Variants in USP31 observed in about 807,000 individuals in gnomAD.
The protein encoded by USP31 is ubiquitin carboxyl-terminal hydrolase 31.
In USP31, 44 loss-of-function variants were observed where a neutral mutation model predicts 119.4. That is an observed-to-expected ratio of 0.37 (90% CI 0.29 to 0.47). USP31 has a LOEUF of 0.47. Ranked by LOEUF, USP31 falls within the 20% of genes least tolerant of loss-of-function variation. USP31 has a pLI of 0.99. For synonymous variants in USP31, 749 were observed against 705.6 expected, an observed-to-expected ratio of 1.06 and a Z score of -0.97; for missense variants, 1,643 against 1,730.2, an observed-to-expected ratio of 0.95 and a Z score of 0.89.
At position 23,067,174 on chromosome 16, in the gene USP31, A is replaced by C. The variant is rs1005040289; in HGVS notation, c.*872T>G. On this transcript the variant is annotated 3_prime_UTR_variant, in exon 16 of 16. Transcript: ENST00000219689. Reference sequence around the variant, plus strand: ...TTCCAGGAATCTGTCAAAGGTGTTAACTGCTCTACTACAGTGCAAAATTCC... The same window carrying C: ...TTCCAGGAATCTGTCAAAGGTGTTACCTGCTCTACTACAGTGCAAAATTCC... The C allele has an allele frequency of 1.3e-5, 2 of 152,690 alleles. No homozygotes were observed. Among genetic ancestry groups the C allele is most frequent in the Non-Finnish European group, 2.9e-5 (2 of 68,058 alleles). 9.5% of individuals were successfully genotyped at this position (152,690 alleles called of 1,614,324 possible).
rs1286746094 is a variant in USP31 at position 23,087,112 on chromosome 16, C to A, written c.1602G>T (p.Leu534Phe). The change falls in exon 9 of 16, where the codon TTG (leucine) becomes TTT (phenylalanine). Residue 534 changes from leucine to phenylalanine, a missense_variant. Around this residue, in one of 5 missense-constraint regions of USP31, gnomAD observed 219 missense variants for 226.4 expected, o/e 0.97. Transcript: ENST00000219689. Reference sequence around the variant, plus strand: ...TTTACCTTTCTACTATTGGGTGGCACAAGGGCTGCTCCTCCTGGGGCAGCA... The same window carrying A: ...TTTACCTTTCTACTATTGGGTGGCAAAAGGGCTGCTCCTCCTGGGGCAGCA... ...TYLLPQEEQPLCHPIVERALK... is the reference protein window; with the variant it reads ...TYLLPQEEQPFCHPIVERALK... The A allele has an allele frequency of 1.2e-6, 2 of 1,613,044 alleles. No homozygotes were observed. The highest frequency in any genetic ancestry group is 1.7e-6 in the Non-Finnish European group (2 of 1,179,698).
chr16:23,134,107 AC>A, intron 1 of USP31, among the ~76,000 whole-genome samples: 1 of 152,074 alleles, frequency 6.6e-6, no homozygotes, highest in African/African-American at 2.4e-5. Context: ...ACACACACAC[AC>A]ACACACACAC....
At chr16:23,076,837 GTGT>G (rs1900594524) in intron 13 of USP31, among the ~76,000 whole-genome samples, 2 of 152,158 alleles carry the variant, frequency 1.3e-5, no homozygotes, top group Non-Finnish European at 2.9e-5. Context: ...GCTGGCAAAG[GTGT>G]TACAACACCG....
chr16:23,078,767 C>A (rs1164295084), intron 13 of USP31, among the ~76,000 whole-genome samples: 4 of 152,138 alleles, frequency 2.6e-5, no homozygotes, highest in Non-Finnish European at 1.5e-5. Flanking sequence ...ACAACAACAA[C>A]AAAATGCCAG....
chr16:23,122,840 A>C (rs1902719262), intron 1 of USP31, among the ~76,000 whole-genome samples: 1 of 151,580 alleles, frequency 6.6e-6, no homozygotes, highest in African/African-American at 2.4e-5. Context: ...TTTGGGGGGG[A>C]TAATTAAAAA....
chr16:23,147,270 G>A (rs1434535968), intron 1 of USP31, among the ~76,000 whole-genome samples: 2 of 152,010 alleles, frequency 1.3e-5, no homozygotes, highest in South Asian at 2.1e-4. Context: ...CACCACGCCC[G>A]TCTAATTTTG....
At position 23,090,710 on chromosome 16, in the gene USP31, T is replaced by C. The variant is rs1259482457; in HGVS notation, c.1329A>G (p.Lys443=). Residue 443 remains lysine, a synonymous_variant, in exon 7 of 16, where the codon AAA becomes AAG. Coordinates refer to ENST00000219689, the MANE Select transcript of USP31 (RefSeq NM_020718.4). The part of the protein sequence containing the change: ...SPTQTAAKQG[K]MDSPTSRAGS... ...CTGCTCTTGATGTGGGAGAATCCAT[T>C]TTCCCCTGCTTTGCTGCTGTTTGTG... 6.2e-7 allele frequency: 1 copy of C among 1,614,046 alleles called. No individual in the cohort carries two copies. The highest frequency in any genetic ancestry group is 8.5e-7 in the Non-Finnish European group (1 of 1,180,006).
At chr16:23,082,831 C>CTCTTTTTTTT (rs749099969) in intron 11 of USP31, among the ~76,000 whole-genome samples, 3 of 129,332 alleles carry the variant, frequency 2.3e-5, no homozygotes, top group Non-Finnish European at 3.2e-5. Flanking sequence ...CTTTCTCTCT[C>CTCTTTTTTTT]TTTTTTTTTT....
intron 1 of USP31, among the ~76,000 whole-genome samples, chr16:23,110,662 C>G (rs999244004): frequency 6.6e-6 from 1 of 152,166 alleles, no homozygotes; most frequent in African/African-American, 2.4e-5. Context: ...GAGTTCAGAT[C>G]TCTGTTGCCC....
In USP31 at chr16:23,065,008, G is replaced by A. The variant is rs1220516015; in HGVS notation, c.*3038C>T. On this transcript the variant is annotated 3_prime_UTR_variant, in exon 16 of 16. Transcript: ENST00000219689. ...AAACGGATGGGAAATGGTCTAAGAT[G>A]ACTGGAGCCTAACGGTTTGAGTTTC... 1 of 152,196 alleles carries A rather than the reference G, an allele frequency of 6.6e-6. No homozygotes were observed. Among genetic ancestry groups the A allele is most frequent in the Non-Finnish European group, 1.5e-5 (1 of 68,052 alleles). The allele number at this position is 152,196 out of a possible 1,614,324, so 9.4% of individuals were successfully genotyped here.
intron 1 of USP31, among the ~76,000 whole-genome samples, chr16:23,147,646 C>T (rs1903558876): frequency 6.6e-6 from 1 of 152,180 alleles, no homozygotes; most frequent in African/African-American, 2.4e-5. Context: ...ATACATACCC[C>T]CAGGGATGTA....
At chr16:23,074,843 A>G (rs1250368009) in intron 13 of USP31, among the ~76,000 whole-genome samples, 2 of 152,246 alleles carry the variant, frequency 1.3e-5, no homozygotes, top group African/African-American at 4.8e-5. Context: ...AAAGGGTGTT[A>G]TAAGCTTGAT....
intron 7 of USP31, 129 bp from the exon 8 acceptor site, chr16:23,087,964 GA>G: frequency 2.8e-6 from 2 of 724,934 alleles, no homozygotes; most frequent in Non-Finnish European, 4.4e-6. Context: ...CAAAATAAAA[GA>G]AACAGGAAAT....
rs1394404691 is a variant in USP31, at chr16:23,067,139, TAGA to T, written c.*904_*906del. ...CCAGTCTTTCACCCAGTTTAGAATC[TAGA>T]AGTTTTTTCCAGGAATCTGTCAAAG... On this transcript the variant is annotated 3_prime_UTR_variant, in exon 16 of 16. Transcript: ENST00000219689. 1 of 152,616 alleles carries T rather than the reference TAGA, an allele frequency of 6.6e-6. No homozygotes were observed. Among genetic ancestry groups the T allele is most frequent in the African/African-American group, 2.4e-5 (1 of 41,452 alleles). 9.5% of individuals were successfully genotyped at this position (152,616 alleles called of 1,614,324 possible). A position where few individuals can be genotyped will look rare whatever the true frequency, so the allele number is the denominator to read the frequency against.
At position 23,148,974 on chromosome 16, in the gene USP31, G is replaced by A; in HGVS notation, c.297C>T (p.Ala99=). ...GGCACGGCGGCGGCGTGGGCGCGGC[G>A]GCCGGCCCGGGCGGGAAGCAGCTGC... is the stretch of plus-strand genomic sequence containing the variant. ...GLRSCFPPGP[A]AAPTPPPCPP... is the part of the protein sequence containing the mutation. Residue 99 remains alanine, a synonymous_variant, in exon 1 of 16, where the codon GCC becomes GCT. Transcript: ENST00000219689. 9.8e-7 allele frequency: 1 copy of A among 1,018,806 alleles called. No individual in the cohort carries two copies. Among genetic ancestry groups the A allele is most frequent in the Non-Finnish European group, 1.2e-6 (1 of 847,734 alleles). 63.1% of individuals were successfully genotyped at this position (1,018,806 alleles called of 1,614,324 possible).
chr16:23,068,635 T>C lies in USP31; in HGVS notation c.3470A>G (p.Glu1157Gly). The C allele has an allele frequency of 1.2e-6, 2 of 1,614,208 alleles. No homozygotes were observed. Among genetic ancestry groups the C allele is most frequent in the South Asian group, 1.1e-5 (1 of 91,086 alleles). The change falls in exon 16 of 16, where the codon GAG becomes GGG. Residue 1157 changes from glutamate to glycine, a missense_variant. By Grantham distance (98) the Glu-to-Gly change is moderately conservative (BLOSUM62 -2). Around this residue, in one of 5 missense-constraint regions of USP31, gnomAD observed 699 missense variants for 650.9 expected, o/e 1.07. Transcript: ENST00000219689. ...SRTSDHSLSR[E>G]GSRQSLGSDR... ...AGAACCCAAGCTTTGTCTGGAGCCC[T>C]CTCTACTCAAGCTGTGGTCTGAAGT...
intron 1 of USP31, among the ~76,000 whole-genome samples, chr16:23,113,876 G>A (rs768504830): frequency 1.8e-4 from 27 of 152,232 alleles, no homozygotes; most frequent in Non-Finnish European, 3.5e-4. Flanking sequence ...AGGCTGAGGC[G>A]GGTGGATGAC....
chr16:23,105,599 T>G, intron 4 of USP31, 23 bp from the exon 5 acceptor site: 1 of 1,517,286 alleles, frequency 6.6e-7, no homozygotes, highest in Non-Finnish European at 8.8e-7. Context: ...AAGTCAGATC[T>G]TCTCATTAGT....
chr16:23,134,453 T>C (rs913401801), intron 1 of USP31, among the ~76,000 whole-genome samples: 6 of 152,174 alleles, frequency 3.9e-5, no homozygotes, highest in African/African-American at 1.4e-4. Flanking sequence ...GATATACTCT[T>C]ATCTCCACTT....
Sources: allele counts gnomAD v4.1 joint callset (sites outside exome capture counted in the v4.1 genomes callset), GRCh38; gene constraint gnomAD v4.1.1; regional missense constraint gnomAD v4.1.1; transcripts MANE v1.5; gene names NCBI Gene and HGNC (gene_info 2026-07-23, HGNC 2026-07-21).